The following CACNG2 variants were observed in gnomAD, a reference collection of about 807,000 sequenced individuals.
CACNG2 encodes the protein voltage-dependent calcium channel gamma-2 subunit.
In CACNG2, 3 loss-of-function variants were observed where a neutral mutation model predicts 25.9. That is an observed-to-expected ratio of 0.12 (90% CI 0.05 to 0.30). CACNG2 has a LOEUF of 0.30. Among genes scored for constraint, CACNG2 ranks in the 10% least tolerant of loss-of-function variants. The pLI is 1.00. For missense variants in CACNG2, 341 were observed against 432.5 expected, an observed-to-expected ratio of 0.79 and a Z score of 1.88; for synonymous variants, 167 against 173.3, an observed-to-expected ratio of 0.96 and a Z score of 0.29.
At chr22:36,581,971 C>T (rs1036880973) in intron 2 of CACNG2, among the ~76,000 whole-genome samples, 2 of 152,198 alleles carry the variant, frequency 1.3e-5, no homozygotes, top group African/African-American at 2.4e-5. Context: ...CCATCCTTGC[C>T]TCCTTCCTTT....
In CACNG2 at chr22:36,668,860, G is replaced by A. The variant is rs185160108; in HGVS notation, c.211+33506C>T. Among the ~76,000 whole-genome samples the A allele has an allele frequency of 5.3e-5, 8 of 152,186 alleles. No individual in the cohort carries two copies. In the East Asian group the frequency reaches 1.5e-3, roughly 29 times the overall value. The stretch of plus-strand genomic sequence containing the variant: ...AGAACCAGGAGCACCCATGTCAGAG[G>A]GCAGGAGAAGATGGATGTCCCAGCT... On this transcript the variant is annotated intron_variant, in intron 1 of 3. Coordinates refer to ENST00000300105, the MANE Select transcript of CACNG2 (RefSeq NM_006078.5).
chr22:36,576,584 G>C (rs1317980149), intron 2 of CACNG2, among the ~76,000 whole-genome samples: 1 of 151,732 alleles, frequency 6.6e-6, no homozygotes, highest in Non-Finnish European at 1.5e-5. Context: ...GTGTGTGTGT[G>C]TGTGTGTATG....
chr22:36,648,736 C>T (rs1250116045), intron 1 of CACNG2, among the ~76,000 whole-genome samples: 1 of 152,182 alleles, frequency 6.6e-6, no homozygotes, highest in East Asian at 1.9e-4. Context: ...CCATAACCCT[C>T]TTTGCTCAAA....
At chr22:36,625,624 T>G (rs2145953582) in intron 1 of CACNG2, among the ~76,000 whole-genome samples, 1 of 152,334 alleles carries the variant, frequency 6.6e-6, no homozygotes, top group African/African-American at 2.4e-5. Flanking sequence ...GCAGCTAATT[T>G]GGGTTTTTAA....
intron 1 of CACNG2, among the ~76,000 whole-genome samples, chr22:36,662,757 CCCCTTACAAACA>C (rs1371380115): frequency 2.0e-5 from 3 of 152,134 alleles, no homozygotes; most frequent in Non-Finnish European, 4.4e-5. Context: ...ACCGTGCATG[CCCCTTACAAACA>C]CTCTTTCGTT....
intron 1 of CACNG2, among the ~76,000 whole-genome samples, chr22:36,654,497 G>A (rs1217732184): frequency 6.6e-6 from 1 of 152,008 alleles, no homozygotes; most frequent in Non-Finnish European, 1.5e-5. Flanking sequence ...CTCCAAAAGT[G>A]CTGAAATTAC....
intron 1 of CACNG2, among the ~76,000 whole-genome samples, chr22:36,643,263 C>G (rs545936862): frequency 1.3e-5 from 2 of 149,720 alleles, no homozygotes; most frequent in East Asian, 3.9e-4. Flanking sequence ...CTTTCTCTCT[C>G]TTTCCTTCCT....
At chr22:36,582,396 C>T (rs992289613) in intron 2 of CACNG2, among the ~76,000 whole-genome samples, 1 of 143,684 alleles carries the variant, frequency 7.0e-6, no homozygotes, top group Admixed American at 7.3e-5. Context: ...TTGCTGTTTG[C>T]TCTTTCTTTC....
chr22:36,697,668 A>G (rs1452459546), intron 1 of CACNG2, among the ~76,000 whole-genome samples: 1 of 152,208 alleles, frequency 6.6e-6, no homozygotes, highest in African/African-American at 2.4e-5. Context: ...ATGGCTAGGA[A>G]TGCAAGGCCT....
intron 1 of CACNG2, among the ~76,000 whole-genome samples, chr22:36,604,192 T>C (rs1935797951): frequency 6.6e-6 from 1 of 152,188 alleles, no homozygotes; most frequent in African/African-American, 2.4e-5. Flanking sequence ...GTTCTGGAAA[T>C]AGGAAAACAG....
At chr22:36,581,798 T>G (rs1426956295) in intron 2 of CACNG2, among the ~76,000 whole-genome samples, 1 of 152,250 alleles carries the variant, frequency 6.6e-6, no homozygotes, top group Non-Finnish European at 1.5e-5. Context: ...ACGTGAAAAC[T>G]CACTATCTCT....
chr22:36,598,913 G>C (rs1935715250), intron 1 of CACNG2, among the ~76,000 whole-genome samples: 1 of 152,164 alleles, frequency 6.6e-6, no homozygotes, highest in Non-Finnish European at 1.5e-5. Flanking sequence ...GGGAGGCGGA[G>C]GTTGCAGTGA....
At chr22:36,652,354 C>T (rs866331526) in intron 1 of CACNG2, among the ~76,000 whole-genome samples, 1 of 152,142 alleles carries the variant, frequency 6.6e-6, no homozygotes, top group African/African-American at 2.4e-5. Flanking sequence ...GTCTTTAGCT[C>T]GGTCTCCAGG....
chr22:36,676,932 TTG>T (rs138729815), intron 1 of CACNG2, among the ~76,000 whole-genome samples: 4,897 of 141,700 alleles, frequency 0.035, 188 homozygotes, highest in African/African-American at 0.098. Context: ...TCTTCTAATA[TTG>T]TGTGTGTGTG....
intron 2 of CACNG2, among the ~76,000 whole-genome samples, chr22:36,582,850 C>G (rs1449911019): frequency 6.6e-6 from 1 of 151,842 alleles, no homozygotes; most frequent in Non-Finnish European, 1.5e-5. Context: ...CTGCAAGTAC[C>G]CTGAGGGCCA....
chr22:36,694,644 G>A (rs1005604340), intron 1 of CACNG2, among the ~76,000 whole-genome samples: 34 of 152,140 alleles, frequency 2.2e-4, no homozygotes, highest in African/African-American at 8.2e-4. Flanking sequence ...TGTCTCAAAT[G>A]TTTAGGATGA....
chr22:36,566,411 C>T lies in CACNG2; in HGVS notation c.378G>A (p.Glu126=). Residue 126 remains glutamate (E), a synonymous_variant, in exon 3 of 4, where the codon GAG becomes GAA. Transcript: ENST00000300105. ...TGATGTTGTGTCGAGTTTTGTAGAA[C>T]TCGCTGGCTGCGATGCAGAGGCCAC... The part of the protein sequence containing the change: ...FMGGLCIAAS[E]FYKTRHNIIL... The T allele has an allele frequency of 6.2e-7, 1 of 1,614,134 alleles. No individual in the cohort carries two copies. The highest frequency in any genetic ancestry group is 8.5e-7 in the Non-Finnish European group (1 of 1,180,020).
At chr22:36,646,593 G>A (rs1936527615) in intron 1 of CACNG2, among the ~76,000 whole-genome samples, 2 of 152,052 alleles carry the variant, frequency 1.3e-5, no homozygotes. Flanking sequence ...TGAATAAAAT[G>A]TAAAACCCGT....
In CACNG2 at chr22:36,702,601, A is replaced by G; in HGVS notation, c.-25T>C. 29 of 1,587,922 alleles carry G rather than the reference A, an allele frequency of 1.8e-5. No individual in the cohort carries two copies. Among genetic ancestry groups the G allele is most frequent in the Non-Finnish European group, 2.5e-5 (29 of 1,156,276 alleles). On this transcript the variant is annotated 5_prime_UTR_variant, in exon 1 of 4. Coordinates refer to ENST00000300105, the MANE Select transcript of CACNG2 (RefSeq NM_006078.5). ...TAATTCTTCATTATATAAACACCCA[A>G]CCGACTTCTGGTTCTCGGGAGAGTG...
Sources: gnomAD v4.1 joint callset for allele counts (sites outside exome capture counted in the v4.1 genomes callset) on GRCh38, gnomAD v4.1.1 for gene constraint, MANE v1.5 for transcripts, NCBI Gene and HGNC (gene_info 2026-07-23, HGNC 2026-07-21) for gene names.